Variants in RGL1 observed in about 807,000 individuals in gnomAD.
The protein encoded by RGL1 is ral guanine nucleotide dissociation stimulator-like 1.
Under a neutral mutation model 95.2 loss-of-function variants are expected in RGL1, and 24 were observed. The observed-to-expected ratio is 0.25, with a 90% CI of 0.18 to 0.35. RGL1 has a LOEUF of 0.35. Ranked by LOEUF, RGL1 falls within the 10% of genes least tolerant of loss-of-function variation. The pLI is 1.00. For missense variants in RGL1, 715 were observed against 936.3 expected, an observed-to-expected ratio of 0.76 and a Z score of 3.08; for synonymous variants, 329 against 344.9, an observed-to-expected ratio of 0.95 and a Z score of 0.51.
At chr1:183,637,634 T>A (rs1253245331) in intron 1 of RGL1, among the ~76,000 whole-genome samples, 1 of 152,298 alleles carries the variant, frequency 6.6e-6, no homozygotes, top group Non-Finnish European at 1.5e-5. Flanking sequence ...AATACATCCC[T>A]TTTTCTTGGG....
intron 1 of RGL1, among the ~76,000 whole-genome samples, chr1:183,637,117 C>T (rs945765743): frequency 2.0e-5 from 3 of 152,202 alleles, no homozygotes; most frequent in Admixed American, 6.5e-5. Flanking sequence ...TTCCTCATCA[C>T]TGAAATGGAG....
chr1:183,668,994 T>C (rs186255670), intron 1 of RGL1, among the ~76,000 whole-genome samples: 1,854 of 146,984 alleles, frequency 0.013, 46 homozygotes, highest in African/African-American at 0.045. Context: ...TGGAGTGCAG[T>C]GGCAGTGGTG....
chr1:183,722,192 C>T (rs1656046594), intron 1 of RGL1, among the ~76,000 whole-genome samples: 1 of 148,918 alleles, frequency 6.7e-6, no homozygotes, highest in African/African-American at 2.5e-5. Flanking sequence ...GGAGAGGATT[C>T]CAAGAAGAAG....
In RGL1 at chr1:183,724,286, G is replaced by A. The variant is rs1240510771; in HGVS notation, c.-32-17840G>A. The stretch of plus-strand genomic sequence containing the variant: ...TGTTTCTGCTTGAGAAAAGCAGAGG[G>A]AAGAGTAAAGGAGACTTCATCTTGC... On this transcript the variant is annotated intron_variant, in intron 1 of 18. Coordinates refer to the RGL1 transcript ENST00000304685. This position sits in a 1 kb window ranked among gnomAD's most constrained non-coding sequence, Gnocchi z 4.1. Among the ~76,000 whole-genome samples, 1 of 152,142 alleles carries A rather than the reference G, an allele frequency of 6.6e-6. No individual in the cohort carries two copies. Among genetic ancestry groups the A allele is most frequent in the African/African-American group, 2.4e-5 (1 of 41,418 alleles).
chr1:183,801,814 G>A (rs1179615977), upstream of RGL1, among the ~76,000 whole-genome samples: 1 of 152,172 alleles, frequency 6.6e-6, no homozygotes, highest in Non-Finnish European at 1.5e-5. Context: ...TGAGAGAGGA[G>A]GCAAGAGAGA....
intron 3 of RGL1, among the ~76,000 whole-genome samples, chr1:183,865,452 C>A (rs1451848254): frequency 6.6e-6 from 1 of 152,126 alleles, no homozygotes; most frequent in Non-Finnish European, 1.5e-5. Flanking sequence ...TCTATCCCAG[C>A]CTTAATTTTA....
At chr1:183,896,895 TAGA>T (rs1667734258) in intron 9 of RGL1, among the ~76,000 whole-genome samples, 1 of 152,212 alleles carries the variant, frequency 6.6e-6, no homozygotes, top group African/African-American at 2.4e-5. Context: ...AGAGGCAATT[TAGA>T]AGAACTGACT....
At chr1:183,760,568 C>CAAAAAAAAAA (rs58715145) in intron 2 of RGL1, among the ~76,000 whole-genome samples, 2 of 50,730 alleles carry the variant, frequency 3.9e-5, no homozygotes, top group Admixed American at 2.8e-4. Context: ...CCAGTCTCTG[C>CAAAAAAAAAA]AAAAAAAAAA....
At chr1:183,649,677 A>AT in intron 1 of RGL1, among the ~76,000 whole-genome samples, 1 of 152,336 alleles carries the variant, frequency 6.6e-6, no homozygotes, top group East Asian at 1.9e-4. Context: ...CAGAAAGCAA[A>AT]TATGGTTCTT....
At chr1:183,922,441 T>C (rs1669364538) in intron 17 of RGL1, 105 bp downstream of exon 17, 1 of 818,282 alleles carries the variant, frequency 1.2e-6, no homozygotes, top group East Asian at 2.7e-5. Context: ...CGTATTGTTT[T>C]ATTGGGACCT....
intron 2 of RGL1, among the ~76,000 whole-genome samples, chr1:183,794,377 G>A (rs1484460768): frequency 6.6e-6 from 1 of 152,156 alleles, no homozygotes; most frequent in Non-Finnish European, 1.5e-5. Context: ...ACACAGTAAG[G>A]TGACTATAGT....
At chr1:183,923,353 C>A (rs945028572) in intron 17 of RGL1, among the ~76,000 whole-genome samples, 4 of 152,198 alleles carry the variant, frequency 2.6e-5, no homozygotes, top group African/African-American at 9.6e-5. Context: ...TGGGAAAATT[C>A]TTTTTCAGTT....
chr1:183,730,459 T>C (rs912178668), intron 1 of RGL1, among the ~76,000 whole-genome samples: 3 of 152,114 alleles, frequency 2.0e-5, no homozygotes, highest in African/African-American at 7.2e-5. Context: ...TGTGTTAGGT[T>C]GGCTCAGTGG....
intron 1 of RGL1, among the ~76,000 whole-genome samples, chr1:183,708,149 C>T (rs937469343): frequency 8.5e-5 from 13 of 152,124 alleles, no homozygotes; most frequent in African/African-American, 2.4e-4. Context: ...GCGCTTAGGG[C>T]GGATATCTTG....
At chr1:183,708,977 G>T (rs1449645737) in intron 1 of RGL1, among the ~76,000 whole-genome samples, 1 of 152,170 alleles carries the variant, frequency 6.6e-6, no homozygotes, top group African/African-American at 2.4e-5. Flanking sequence ...GTGGAGCAAC[G>T]CGCTGTTTTA....
intron 2 of RGL1, among the ~76,000 whole-genome samples, chr1:183,844,820 T>G (rs1176630572): frequency 6.6e-6 from 1 of 152,200 alleles, no homozygotes; most frequent in Non-Finnish European, 1.5e-5. Context: ...TGTTTGCTAT[T>G]TTGCCTGAAC....
chr1:183,898,176 C>T (rs1235306076), intron 10 of RGL1, among the ~76,000 whole-genome samples: 3 of 152,182 alleles, frequency 2.0e-5, no homozygotes, highest in Non-Finnish European at 4.4e-5. Context: ...AGCAGGTCGA[C>T]TTCCTCCCTC....
At chr1:183,649,661 C>G (rs1385572388) in intron 1 of RGL1, among the ~76,000 whole-genome samples, 2 of 152,152 alleles carry the variant, frequency 1.3e-5, no homozygotes, top group African/African-American at 4.8e-5. Flanking sequence ...TGAAAAATTA[C>G]TGTTACAGAA....
chr1:183,704,824 T>A (rs1654804780), intron 1 of RGL1, among the ~76,000 whole-genome samples: 1 of 152,168 alleles, frequency 6.6e-6, no homozygotes, highest in Non-Finnish European at 1.5e-5. Flanking sequence ...TAGGTTGGCA[T>A]GAAGAGATAG....
Sources: allele counts gnomAD v4.1 joint callset (sites outside exome capture counted in the v4.1 genomes callset), GRCh38; gene constraint gnomAD v4.1.1; non-coding constraint Gnocchi (gnomAD v3.1); transcripts MANE v1.5; gene names NCBI Gene and HGNC (gene_info 2026-07-23, HGNC 2026-07-21).